LOC128125822: variants seen among roughly 807,000 people sequenced by gnomAD.
At chr6:63,579,354 AT>A in the LOC128125822 span, 1 of 1,533,212 alleles carries the variant, frequency 6.5e-7, no homozygotes, top group Non-Finnish European at 8.9e-7. Context: ...TTCTCTTTTC[AT>A]TTGTACTCTC....
At chr6:63,578,952 T>C in the LOC128125822 span, 1 of 1,607,346 alleles carries the variant, frequency 6.2e-7, no homozygotes, top group Non-Finnish European at 8.5e-7. Flanking sequence ...TGATGACTGG[T>C]TAAGTCTTGT....
At chr6:63,578,362 T>C in the LOC128125822 span, 3 of 1,478,928 alleles carry the variant, frequency 2.0e-6, no homozygotes, top group Non-Finnish European at 1.8e-6. Flanking sequence ...TGATCAGAGA[T>C]GATCAGAATA....
the LOC128125822 span, chr6:63,577,129 A>G: frequency 4.5e-6 from 3 of 664,238 alleles, no homozygotes; most frequent in African/African-American, 1.8e-5. Flanking sequence ...AATGTCTTCT[A>G]TAGGTTAGAG....
At chr6:63,572,572 CCCG>C in the LOC128125822 span, 1 of 413,522 alleles carries the variant, frequency 2.4e-6, no homozygotes, top group Non-Finnish European at 4.2e-6. Flanking sequence ...GTCTGGTGCC[CCCG>C]CCGCCGCCTG....
the LOC128125822 span, among the ~76,000 whole-genome samples, chr6:63,573,009 C>T: frequency 2.0e-5 from 3 of 152,102 alleles, no homozygotes; most frequent in African/African-American, 4.8e-5. Context: ...CGGCGCGGTC[C>T]GGCTTCTGCG....
chr6:63,574,273 TATA>T, the LOC128125822 span, among the ~76,000 whole-genome samples: 1 of 152,216 alleles, frequency 6.6e-6, no homozygotes, highest in Non-Finnish European at 1.5e-5. Context: ...GACTCTGCAG[TATA>T]ATAATGATTT....
chr6:63,576,027 T>A, the LOC128125822 span, among the ~76,000 whole-genome samples: 1 of 151,472 alleles, frequency 6.6e-6, no homozygotes, highest in Non-Finnish European at 1.5e-5. Flanking sequence ...ATAAAGTGTA[T>A]GTAATTACAA....
At chr6:63,575,829 G>A in the LOC128125822 span, among the ~76,000 whole-genome samples, 1 of 152,012 alleles carries the variant, frequency 6.6e-6, no homozygotes, top group Non-Finnish European at 1.5e-5. Flanking sequence ...AGATTGTTAA[G>A]GATAAAGTGA....
At chr6:63,572,879 G>A in the LOC128125822 span, among the ~76,000 whole-genome samples, 19 of 152,212 alleles carry the variant, frequency 1.2e-4, 1 homozygote, top group East Asian at 2.3e-3. Flanking sequence ...TGGCCCTGTG[G>A]CCGGCCGATT....
At chr6:63,577,652 G>T in the LOC128125822 span, among the ~76,000 whole-genome samples, 1 of 152,004 alleles carries the variant, frequency 6.6e-6, no homozygotes, top group Non-Finnish European at 1.5e-5. Flanking sequence ...TGCCTCCCGG[G>T]TTCAAGCAAT....
At chr6:63,578,803 A>G in the LOC128125822 span, 2 of 1,251,292 alleles carry the variant, frequency 1.6e-6, no homozygotes, top group Admixed American at 3.0e-5. Flanking sequence ...TAAAATGAGA[A>G]TGCTTTTGAA....
At chr6:63,581,070 T>A in the LOC128125822 span, 4 of 152,210 alleles carry the variant, frequency 2.6e-5, no homozygotes, top group African/African-American at 7.2e-5. Context: ...ATAAACTTCC[T>A]GAAATTCTTG....
chr6:63,579,100 C>G, the LOC128125822 span: 5 of 1,422,978 alleles, frequency 3.5e-6, no homozygotes, highest in Non-Finnish European at 4.6e-6. Flanking sequence ...TTGAAAAATT[C>G]TTATAATTTT....
chr6:63,578,553 G>A, the LOC128125822 span: 11 of 1,599,728 alleles, frequency 6.9e-6, no homozygotes, highest in Non-Finnish European at 8.5e-6. Flanking sequence ...AGTTCTTATG[G>A]GTTTATGGTG....
the LOC128125822 span, chr6:63,578,528 T>C: frequency 6.2e-7 from 1 of 1,610,816 alleles, no homozygotes; most frequent in Non-Finnish European, 8.5e-7. Context: ...ATCCATGTTC[T>C]TGTAAGTATT....
At chr6:63,573,849 C>A in the LOC128125822 span, among the ~76,000 whole-genome samples, 1 of 152,166 alleles carries the variant, frequency 6.6e-6, no homozygotes, top group East Asian at 1.9e-4. Context: ...GCATACATTT[C>A]CCCTGCCAAT....
chr6:63,580,128 G>A, the LOC128125822 span: 7 of 1,613,382 alleles, frequency 4.3e-6, no homozygotes, highest in East Asian at 2.2e-5. Context: ...ATGCGGCTGC[G>A]TTTCAAAGAT....
the LOC128125822 span, among the ~76,000 whole-genome samples, chr6:63,577,540 A>C: frequency 2.0e-5 from 3 of 152,152 alleles, no homozygotes; most frequent in Admixed American, 6.5e-5. Context: ...TAGGCCTCTC[A>C]GAACATAATG....
the LOC128125822 span, chr6:63,579,052 T>A: frequency 6.4e-7 from 1 of 1,551,938 alleles, no homozygotes; most frequent in Non-Finnish European, 8.7e-7. Context: ...TCAATTTGAT[T>A]CTAGGTAAAA....
Sources: gnomAD v4.1 joint callset for allele counts (sites outside exome capture counted in the v4.1 genomes callset) on GRCh38, gnomAD v4.1.1 for gene constraint, MANE v1.5 for transcripts.